ZNF750: variants seen among roughly 807,000 people sequenced by gnomAD.
The protein encoded by ZNF750 is zinc finger protein 750.
A neutral mutation model predicts 31.6 loss-of-function variants in ZNF750; 10 were observed. The observed-to-expected ratio is 0.32, with a 90% confidence interval of 0.19 to 0.54. The LOEUF (loss-of-function observed/expected upper bound fraction) is 0.54. Among genes scored for constraint, ZNF750 ranks in the 20% least tolerant of loss-of-function variants. ZNF750 has a pLI of 0.95. For synonymous variants in ZNF750, 400 were observed against 404.9 expected (o/e 0.99, Z 0.15); for missense variants, 914 against 934.9 (o/e 0.98, Z 0.29).
At chr17:82,838,539 A>C in intron 1 of ZNF750, 1 of 584,078 alleles carries the variant, frequency 1.7e-6, no homozygotes, top group Non-Finnish European at 2.2e-6. Context: ...TGCTGTAATT[A>C]CAATATTGTG....
At position 82,830,479 on chromosome 17, in the gene ZNF750, G is replaced by A. The variant is rs1355524744; in HGVS notation, c.1835C>T (p.Thr612Ile). ...GTCTGGAGCCTCCTCGCCGGGGCCT[G>A]TGGGTGGGGCCCCGTCACCGTCGAG... ...GSLDGDGAPP[T>I]GPGEEAPDAC... The change falls in exon 3 of 3, where the codon ACA becomes ATA. Residue 612 changes from threonine (T) to isoleucine (I), a missense_variant. Coordinates refer to ENST00000269394, the MANE Select transcript of ZNF750 (RefSeq NM_024702.3). 1 of 1,613,326 alleles carries A rather than the reference G, an allele frequency of 6.2e-7. No homozygotes were observed. Among genetic ancestry groups the A allele is most frequent in the Admixed American group, 1.7e-5 (1 of 60,010 alleles).
rs201983774 is a variant in ZNF750 at position 82,830,872 on chromosome 17, T to C, written c.1442A>G (p.Asn481Ser). Reference sequence around the variant, plus strand: ...AGCAGGAGGGTCTCCGTTCACAACATTGAGGCTAGAAGAAGCCAAGAAAAA... The same window carrying C: ...AGCAGGAGGGTCTCCGTTCACAACACTGAGGCTAGAAGAAGCCAAGAAAAA... ...ETTAESPVSL[N>S]VVNGDPPAPT... The change falls in exon 3 of 3, where the codon AAT becomes AGT. Residue 481 changes from asparagine to serine, a missense_variant. Around this residue, in one of 2 missense-constraint regions of ZNF750, gnomAD observed 880 missense variants for 868.9 expected, o/e 1.01. Transcript: ENST00000269394. The C allele has an allele frequency of 1.8e-5, 29 of 1,612,314 alleles. No homozygotes were observed. The African/African-American group carries it at 3.3e-4, about 19-fold the overall frequency.
Position 82,830,629 on chromosome 17 carries a change from T to C in ZNF750, c.1685A>G (p.Gln562Arg), listed in dbSNP as rs2053411291. The change falls in exon 3 of 3, where the codon CAG becomes CGG. Residue 562 changes from glutamine (Q) to arginine (R), a missense_variant. Around this residue, in one of 2 missense-constraint regions of ZNF750, gnomAD observed 880 missense variants for 868.9 expected, o/e 1.01. Coordinates refer to ENST00000269394, the MANE Select transcript of ZNF750 (RefSeq NM_024702.3). Reference sequence around the variant, plus strand: ...ACCGGGGAAGGCAGGCCTCGGAGCCTGGGTGTTACAGGGGTCCTTCACCGA... The same window carrying C: ...ACCGGGGAAGGCAGGCCTCGGAGCCCGGGTGTTACAGGGGTCCTTCACCGA... ...NLSVKDPCNT[Q>R]APRPAFPGRP... 1 of 1,613,846 alleles carries C rather than the reference T, an allele frequency of 6.2e-7. No homozygotes were observed. Among genetic ancestry groups the C allele is most frequent in the Non-Finnish European group, 8.5e-7 (1 of 1,179,934 alleles).
Position 82,830,846 on chromosome 17 carries a change from G to A in ZNF750, c.1468C>T (p.Pro490Ser). The A allele has an allele frequency of 6.2e-7, 1 of 1,613,064 alleles. No homozygotes were observed. The highest frequency in any genetic ancestry group is 8.5e-7 in the Non-Finnish European group (1 of 1,180,036). The stretch of plus-strand genomic sequence containing the variant: ...GAGACGAGAGAGGCGCTTCCGGTCG[G>A]AGCAGGAGGGTCTCCGTTCACAACA... ...LNVVNGDPPAPTGSASLVSEA... is the reference protein window; with the variant it reads ...LNVVNGDPPASTGSASLVSEA... Residue 490 changes from proline (P) to serine (S), a missense_variant, in exon 3 of 3, where the codon CCG (proline) becomes TCG (serine). By Grantham distance (74) the Pro-to-Ser change is moderately conservative. Transcript: ENST00000269394.
chr17:82,830,006 T>C lies in ZNF750; in HGVS notation c.*136A>G. 7.2e-7 allele frequency: 1 copy of C among 1,380,418 alleles called. No homozygotes were observed. Among genetic ancestry groups the C allele is most frequent in the South Asian group, 1.3e-5 (1 of 78,228 alleles). 85.5% of individuals were successfully genotyped at this position (1,380,418 alleles called of 1,614,324 possible). A position where few individuals can be genotyped will look rare whatever the true frequency, so the allele number is the denominator to read the frequency against. On this transcript the variant is annotated 3_prime_UTR_variant, in exon 3 of 3. Transcript: ENST00000269394. ...TGAATTGGAGGGTTTTTTGTTTGTTTGTTTGTTTGTTTTTTTGAGAAGCAG... is the reference window on the plus strand; with the variant it reads ...TGAATTGGAGGGTTTTTTGTTTGTTCGTTTGTTTGTTTTTTTGAGAAGCAG...
rs2053522278 is a variant in ZNF750, at chr17:82,831,639, C to G, written c.816G>C (p.Leu272=). Residue 272 remains leucine (L), a synonymous_variant, in exon 2 of 3, where the codon CTG becomes CTC. Transcript: ENST00000269394. This position sits in a 1 kb window ranked among gnomAD's most constrained non-coding sequence, Gnocchi z 4.6. ...AGSSPECDAP[L]LSVYGTQDPR... is the part of the protein sequence containing the mutation. ...GGTCTTGGGTTCCGTAGACTGACAG[C>G]AGGGGTGCGTCACACTCAGGCGAGC... The G allele has an allele frequency of 6.2e-7, 1 of 1,614,102 alleles. No individual in the cohort carries two copies. Among genetic ancestry groups the G allele is most frequent in the Admixed American group, 1.7e-5 (1 of 60,012 alleles).
At chr17:82,834,070 G>A (rs982736707) in intron 1 of ZNF750, among the ~76,000 whole-genome samples, 1 of 151,986 alleles carries the variant, frequency 6.6e-6, no homozygotes, top group African/African-American at 2.4e-5. Context: ...TCAGCCTCCC[G>A]AGTAGCTGGA....
intron 1 of ZNF750, among the ~76,000 whole-genome samples, chr17:82,836,341 T>G (rs570520104): frequency 6.6e-6 from 1 of 152,358 alleles, no homozygotes; most frequent in African/African-American, 2.4e-5. Flanking sequence ...GTATAGGATG[T>G]GTTACGGCAG....
chr17:82,834,895 TTAAAG>T (rs1156691435), intron 1 of ZNF750, among the ~76,000 whole-genome samples: 8 of 151,894 alleles, frequency 5.3e-5, no homozygotes, highest in South Asian at 4.2e-4. Flanking sequence ...AAAAAATACA[TTAAAG>T]TAAAGTTAAA....
chr17:82,833,061 C>T lies in ZNF750; in HGVS notation c.-182-425G>A, dbSNP rs1425155022. 1.3e-5 allele frequency among the ~76,000 whole-genome samples: 2 copies of T among 152,182 alleles called. No individual in the cohort carries two copies. Among genetic ancestry groups the T allele is most frequent in the East Asian group, 1.9e-4 (1 of 5,164 alleles). On this transcript the variant is annotated intron_variant, in intron 1 of 2. Transcript: ENST00000269394. This position sits in a 1 kb window ranked among gnomAD's most constrained non-coding sequence, Gnocchi z 4.7. ...GACAGAGTCCTGTCCCAGGGCTGCC[C>T]GACTCTGCTTGGGGGTTACACGCTT... is the stretch of plus-strand genomic sequence containing the variant.
chr17:82,837,305 C>T (rs983601708), intron 1 of ZNF750, among the ~76,000 whole-genome samples: 1 of 152,242 alleles, frequency 6.6e-6, no homozygotes, highest in East Asian at 1.9e-4. Flanking sequence ...GAAATAGTCT[C>T]TGTGTGGTCA....
At position 82,831,495 on chromosome 17, in the gene ZNF750, T is replaced by C. The variant is rs1233434519; in HGVS notation, c.960A>G (p.Gly320=). The C allele has an allele frequency of 6.2e-7, 1 of 1,613,980 alleles. No homozygotes were observed. The highest frequency in any genetic ancestry group is 1.7e-5 in the Admixed American group (1 of 60,004). ...QYPSNLPIPY[G]FYRPESAFSS... ...AAAATGCAGACTCTGGCCTGTAAAA[T>C]CCGTAAGGAATCGGCAGGTTAGAGG... Residue 320 remains glycine (G), a synonymous_variant, in exon 2 of 3, where the codon GGA becomes GGG. Transcript: ENST00000269394. The surrounding 1 kb of genome is among the most constrained non-coding windows in gnomAD (Gnocchi z 4.6).
intron 1 of ZNF750, 59 bp downstream of exon 1, chr17:82,839,868 A>G (rs1440632599): frequency 1.3e-5 from 2 of 152,276 alleles, no homozygotes; most frequent in East Asian, 1.9e-4. Flanking sequence ...TATTTTAGAT[A>G]CGTCTGAGAA....
chr17:82,832,316 C>T lies in ZNF750; in HGVS notation c.139G>A (p.Gly47Ser). 8 of 1,614,192 alleles carry T rather than the reference C, an allele frequency of 5.0e-6. No individual in the cohort carries two copies. The highest frequency in any genetic ancestry group is 1.1e-5 in the South Asian group (1 of 91,082). Residue 47 changes from glycine (G) to serine (S), a missense_variant, in exon 2 of 3, where the codon GGT becomes AGT. This residue lies in a region of ZNF750 where 34 missense variants were observed against 66.0 expected (regional missense o/e 0.52). Coordinates refer to ENST00000269394, the MANE Select transcript of ZNF750 (RefSeq NM_024702.3). The surrounding 1 kb of genome is among the most constrained non-coding windows in gnomAD (Gnocchi z 4.9). ...KSHLFNHMKYGLCKNSITLVS... is the reference protein window; with the variant it reads ...KSHLFNHMKYSLCKNSITLVS... ...AAAGTAATCGAGTTTTTACAAAGAC[C>T]ATACTTCATGTGATTAAAAAGATGT...
rs1031647203 is a variant in ZNF750, at chr17:82,832,508, C to T, written c.-54G>A. ...GTCCAGGTGGCGTGATCACTGTCGACGCCGCGTGCACTTCGTGGTTTCTAA... is the reference window on the plus strand; with the variant it reads ...GTCCAGGTGGCGTGATCACTGTCGATGCCGCGTGCACTTCGTGGTTTCTAA... On this transcript the variant is annotated 5_prime_UTR_variant, in exon 2 of 3. Transcript: ENST00000269394. The surrounding 1 kb of genome is among the most constrained non-coding windows in gnomAD (Gnocchi z 4.9). 47 of 1,525,116 alleles carry T rather than the reference C, an allele frequency of 3.1e-5. No homozygotes were observed. The highest frequency in any genetic ancestry group is 1.6e-4 in the African/African-American group (12 of 73,376). 94.5% of individuals were successfully genotyped at this position (1,525,116 alleles called of 1,614,324 possible).
At chr17:82,836,594 C>T (rs1249404726) in intron 1 of ZNF750, among the ~76,000 whole-genome samples, 3 of 151,624 alleles carry the variant, frequency 2.0e-5, no homozygotes, top group South Asian at 2.1e-4. Flanking sequence ...GAAACACAAG[C>T]GCTCAGAGGA....
chr17:82,831,692 T>C lies in ZNF750; in HGVS notation c.763A>G (p.Ile255Val), dbSNP rs1382803397. 6.2e-7 allele frequency: 1 copy of C among 1,614,048 alleles called. No homozygotes were observed. Residue 255 changes from isoleucine (I) to valine (V), a missense_variant, in exon 2 of 3, where the codon ATC (isoleucine) becomes GTC (valine). Physicochemically the swap from Ile to Val is conservative, Grantham distance 29. This residue lies in a region of ZNF750 where 880 missense variants were observed against 868.9 expected (regional missense o/e 1.01). Transcript: ENST00000269394. The surrounding 1 kb of genome is among the most constrained non-coding windows in gnomAD (Gnocchi z 4.6). ...CCAGCCAGCAGGTAAGGCGAGTAGA[T>C]GGTGGCCAGCCCGTGCTCTGTGTAA... ...HFYTEHGLAT[I>V]YSPYLLAGSS...
chr17:82,830,691 G>A lies in ZNF750; in HGVS notation c.1623C>T (p.Ala541=). 3 of 1,614,180 alleles carry A rather than the reference G, an allele frequency of 1.9e-6. No individual in the cohort carries two copies. The highest frequency in any genetic ancestry group is 2.5e-6 in the Non-Finnish European group (3 of 1,180,034). Residue 541 remains alanine, a synonymous_variant, in exon 3 of 3, where the codon GCC becomes GCT. Transcript: ENST00000269394. The stretch of plus-strand genomic sequence containing the variant: ...GAAGGTCCTGCAGCTCTGAGAAGCT[G>A]GCGGTTTCCGCCTGGGGGCTGCCTT... ...TYQGSPQAET[A]SFSELQDLPL... is the part of the protein sequence containing the mutation.
At position 82,830,562 on chromosome 17, in the gene ZNF750, C is replaced by T. The variant is rs2145237710; in HGVS notation, c.1752G>A (p.Lys584=). The T allele has an allele frequency of 6.2e-7, 1 of 1,614,066 alleles. No homozygotes were observed. Among genetic ancestry groups the T allele is most frequent in the East Asian group, 2.2e-5 (1 of 44,876 alleles). The change falls in exon 3 of 3, where the codon AAG becomes AAA. Residue 584 remains lysine, a synonymous_variant. Transcript: ENST00000269394. ...CATCCTCAGAACCTTCTGTCCCAGT[C>T]TTCTGTGGAACAGCAGCAGCAGGTT... ...AAEPAAAVPQ[K]TGTEGSEDGP...
Sources: allele counts gnomAD v4.1 joint callset (sites outside exome capture counted in the v4.1 genomes callset), GRCh38; gene constraint gnomAD v4.1.1; regional missense constraint gnomAD v4.1.1; non-coding constraint Gnocchi (gnomAD v3.1); transcripts MANE v1.5; gene names NCBI Gene and HGNC (gene_info 2026-07-23, HGNC 2026-07-21).